TCF7L2: variants seen among roughly 807,000 people sequenced by gnomAD.
The protein encoded by TCF7L2 is transcription factor 7 like 2.
In TCF7L2, 23 loss-of-function variants were observed where a neutral mutation model predicts 77.9. The ratio of observed to expected loss-of-function variants is 0.30; its 90% CI spans 0.21 to 0.42. The LOEUF is 0.42. TCF7L2 is among the 10% of genes least tolerant of loss of function. TCF7L2 has a pLI of 1.00. For missense variants in TCF7L2, 654 were observed against 793.1 expected, an observed-to-expected ratio of 0.82 and a Z score of 2.11; for synonymous variants, 413 against 340.2, an observed-to-expected ratio of 1.21 and a Z score of -2.36.
At chr10:113,101,568 C>T (rs1457973591) in intron 5 of TCF7L2, among the ~76,000 whole-genome samples, 7 of 151,806 alleles carry the variant, frequency 4.6e-5, no homozygotes, top group East Asian at 2.0e-4. Context: ...AGGGGCTGGG[C>T]GCGGTGGCTC....
intron 4 of TCF7L2, among the ~76,000 whole-genome samples, chr10:113,033,053 A>G (rs2050514824): frequency 6.6e-6 from 1 of 152,142 alleles, no homozygotes; most frequent in Non-Finnish European, 1.5e-5. Context: ...TGAGATAGTG[A>G]TTTAAGGGAA....
At chr10:112,956,344 C>CTTTT (rs10711698) in intron 3 of TCF7L2, among the ~76,000 whole-genome samples, 1 of 112,246 alleles carries the variant, frequency 8.9e-6, no homozygotes. Flanking sequence ...AGTGATTTAC[C>CTTTT]TTTTTTTTTT....
At chr10:112,969,906 C>T (rs1473609207) in intron 4 of TCF7L2, among the ~76,000 whole-genome samples, 3 of 152,208 alleles carry the variant, frequency 2.0e-5, no homozygotes, top group Admixed American at 6.5e-5. Context: ...GAAGAAAGCC[C>T]TTCCAACACT....
intron 5 of TCF7L2, among the ~76,000 whole-genome samples, chr10:113,057,781 C>G (rs1279779538): frequency 6.6e-6 from 1 of 152,066 alleles, no homozygotes; most frequent in African/African-American, 2.4e-5. Context: ...GGTGGAAAGC[C>G]AGACCTTTTC....
intron 5 of TCF7L2, among the ~76,000 whole-genome samples, chr10:113,138,096 A>G (rs1265645769): frequency 1.3e-5 from 2 of 152,202 alleles, no homozygotes; most frequent in African/African-American, 4.8e-5. Flanking sequence ...AAGGGAACCC[A>G]TGAGCTTGGA....
At chr10:113,028,076 A>C (rs1238384722) in intron 4 of TCF7L2, among the ~76,000 whole-genome samples, 3 of 152,194 alleles carry the variant, frequency 2.0e-5, no homozygotes, top group African/African-American at 7.2e-5. Flanking sequence ...TCTGAAAGGA[A>C]AGTGGGCCGG....
At chr10:113,141,421 TG>T in intron 6 of TCF7L2, 105 bp downstream of exon 6, 1 of 1,506,642 alleles carries the variant, frequency 6.6e-7, no homozygotes, top group Non-Finnish European at 8.9e-7. Context: ...TAGGGGACTT[TG>T]GGGGAACGGT....
At chr10:112,963,124 A>G (rs1184909029) in intron 3 of TCF7L2, among the ~76,000 whole-genome samples, 1 of 152,036 alleles carries the variant, frequency 6.6e-6, no homozygotes, top group Non-Finnish European at 1.5e-5. Context: ...AATGTTTTCT[A>G]TTTGTTTATT....
chr10:112,988,286 A>T (rs1173762232), intron 4 of TCF7L2, among the ~76,000 whole-genome samples: 2 of 151,776 alleles, frequency 1.3e-5, no homozygotes, highest in Non-Finnish European at 2.9e-5. Context: ...TTTAGTAGTG[A>T]TGGGGTTTTG....
intron 4 of TCF7L2, among the ~76,000 whole-genome samples, chr10:112,988,867 T>C (rs2042035053): frequency 1.3e-5 from 2 of 152,226 alleles, no homozygotes; most frequent in Non-Finnish European, 2.9e-5. Context: ...GGACATTATA[T>C]ATTGCAACAT....
chr10:112,959,861 A>G (rs2034614036), intron 3 of TCF7L2, among the ~76,000 whole-genome samples: 1 of 152,212 alleles, frequency 6.6e-6, no homozygotes, highest in African/African-American at 2.4e-5. Flanking sequence ...TATACTAAAA[A>G]AAAGTATTTT....
At chr10:113,023,772 C>G (rs570321813) in intron 4 of TCF7L2, among the ~76,000 whole-genome samples, 1 of 152,088 alleles carries the variant, frequency 6.6e-6, no homozygotes, top group Admixed American at 6.5e-5. Flanking sequence ...GGGTTCATGC[C>G]ATTCTCCTGA....
At chr10:112,992,393 CAG>C (rs2042725674) in intron 4 of TCF7L2, among the ~76,000 whole-genome samples, 1 of 152,188 alleles carries the variant, frequency 6.6e-6, no homozygotes. Context: ...CCAGACCCGA[CAG>C]AGAGGCCTTT....
chr10:113,067,174 A>T (rs1469344936), intron 5 of TCF7L2, among the ~76,000 whole-genome samples: 1 of 152,226 alleles, frequency 6.6e-6, no homozygotes, highest in Non-Finnish European at 1.5e-5. Flanking sequence ...ATATTATGTG[A>T]ATTGGACAAT....
chr10:113,091,863 G>A (rs779959771), intron 5 of TCF7L2, among the ~76,000 whole-genome samples: 1 of 152,196 alleles, frequency 6.6e-6, no homozygotes, highest in Non-Finnish European at 1.5e-5. Flanking sequence ...ACTGGCCTGG[G>A]TCTGATAGAG....
At chr10:113,102,126 A>C (rs1342806251) in intron 5 of TCF7L2, among the ~76,000 whole-genome samples, 7 of 146,648 alleles carry the variant, frequency 4.8e-5, no homozygotes, top group Non-Finnish European at 9.0e-5. Context: ...AAAAAAAAAA[A>C]AAAAAAAAAA....
intron 5 of TCF7L2, among the ~76,000 whole-genome samples, chr10:113,088,491 G>A (rs1040132961): frequency 7.9e-5 from 12 of 152,224 alleles, no homozygotes; most frequent in African/African-American, 1.9e-4. Flanking sequence ...AGAGTAGGCC[G>A]TCAGTAAACT....
At chr10:113,041,718 AT>A (rs879767185) in intron 5 of TCF7L2, among the ~76,000 whole-genome samples, 2 of 151,012 alleles carry the variant, frequency 1.3e-5, no homozygotes, top group East Asian at 1.9e-4. Flanking sequence ...ATATACAGAG[AT>A]TTTTTTTTTA....
At chr10:113,121,673 C>A (rs935200057) in intron 5 of TCF7L2, among the ~76,000 whole-genome samples, 1 of 151,992 alleles carries the variant, frequency 6.6e-6, no homozygotes, top group Admixed American at 6.6e-5. Context: ...GATTTACCCC[C>A]CTTCTCTCAA....
Sources: allele counts gnomAD v4.1 joint callset (sites outside exome capture counted in the v4.1 genomes callset), GRCh38; gene constraint gnomAD v4.1.1; transcripts MANE v1.5; gene names NCBI Gene and HGNC (gene_info 2026-07-23, HGNC 2026-07-21).